The following PHF3 variants were observed in gnomAD, a reference collection of about 807,000 sequenced individuals.
The protein encoded by PHF3 is PHD finger protein 3.
PHF3 carries 41 observed loss-of-function variants against 178.4 expected under a neutral mutation model. That is an observed-to-expected ratio of 0.23 (90% CI 0.18 to 0.30). The LOEUF (loss-of-function observed/expected upper bound fraction) is 0.30. PHF3 is among the 10% of genes least tolerant of loss of function. The pLI, the probability that PHF3 is intolerant of heterozygous loss-of-function variation, is 1.00. For missense variants in PHF3, 2,346 were observed against 2,398.1 expected (o/e 0.98, Z 0.45); for synonymous variants, 842 against 800.5 (o/e 1.05, Z -0.88).
intron 2 of PHF3, among the ~76,000 whole-genome samples, chr6:63,675,921 T>G (rs1399095130): frequency 6.6e-6 from 1 of 152,222 alleles, no homozygotes; most frequent in African/African-American, 2.4e-5. Context: ...CTCTGCTTTG[T>G]GTGTCAAACT....
intron 2 of PHF3, among the ~76,000 whole-genome samples, chr6:63,647,515 A>G (rs1412858589): frequency 2.0e-5 from 3 of 152,056 alleles, no homozygotes; most frequent in Non-Finnish European, 4.4e-5. Flanking sequence ...GATATTTTGG[A>G]TATTTGTGGT....
chr6:63,674,580 T>C (rs1290708846), intron 2 of PHF3, among the ~76,000 whole-genome samples: 1 of 152,030 alleles, frequency 6.6e-6, no homozygotes, highest in East Asian at 1.9e-4. Context: ...AAAGAACTCT[T>C]ACCAACGGGT....
At chr6:63,651,771 CT>C (rs553078280) in intron 2 of PHF3, among the ~76,000 whole-genome samples, 20 of 152,130 alleles carry the variant, frequency 1.3e-4, no homozygotes, top group Non-Finnish European at 2.6e-4. Flanking sequence ...GAGCTCAACT[CT>C]TTTGCTGCTA....
At chr6:63,650,093 C>G (rs1380157438) in intron 2 of PHF3, among the ~76,000 whole-genome samples, 1 of 152,130 alleles carries the variant, frequency 6.6e-6, no homozygotes, top group Non-Finnish European at 1.5e-5. Context: ...AATAAATGTT[C>G]AGTGGCTGTA....
chr6:63,692,963 A>T (rs116685713), intron 5 of PHF3, among the ~76,000 whole-genome samples: 1,800 of 152,318 alleles, frequency 0.012, 29 homozygotes, highest in African/African-American at 0.042. Context: ...CTTACCTATT[A>T]ACAAATCCGT....
rs536085277 is a variant in PHF3 at position 63,640,239 on chromosome 6, A to G, written c.-26+4089A>G. Among the ~76,000 whole-genome samples, 9 of 152,362 alleles carry G rather than the reference A, an allele frequency of 5.9e-5. 1 individual carries two copies. The South Asian group carries it at 1.4e-3, about 25-fold the overall frequency. On this transcript the variant is annotated intron_variant, in intron 1 of 15. Coordinates refer to ENST00000262043, the MANE Select transcript of PHF3 (RefSeq NM_001370348.2). ...ACTTTGTAGTATTGTGTCATACCAC[A>G]TGGCCTAACCACTTATTAATTTTTG...
intron 6 of PHF3, among the ~76,000 whole-genome samples, chr6:63,695,378 T>C (rs1309193151): frequency 6.6e-6 from 1 of 152,200 alleles, no homozygotes; most frequent in Non-Finnish European, 1.5e-5. Flanking sequence ...TATGTCTATC[T>C]GTATAGCGTT....
At chr6:63,709,127 T>C (rs1394973122) in intron 13 of PHF3, 24 bp from the exon 14 acceptor site, 2 of 1,224,806 alleles carry the variant, frequency 1.6e-6, no homozygotes, top group Non-Finnish European at 2.3e-6. Flanking sequence ...TATATTGATC[T>C]CTTTTTTTTT....
chr6:63,678,591 T>G (rs1280874971), intron 2 of PHF3, among the ~76,000 whole-genome samples: 2 of 152,158 alleles, frequency 1.3e-5, no homozygotes, highest in Non-Finnish European at 2.9e-5. Context: ...ATCTTTTTTT[T>G]TTTTCTATCT....
At chr6:63,695,875 A>G (rs1332421946) in intron 6 of PHF3, among the ~76,000 whole-genome samples, 1 of 152,196 alleles carries the variant, frequency 6.6e-6, no homozygotes, top group East Asian at 1.9e-4. Flanking sequence ...AAATTGAAAA[A>G]TTATGTTTTG....
At chr6:63,689,933 C>CT (rs1288663906) in intron 4 of PHF3, among the ~76,000 whole-genome samples, 2 of 152,134 alleles carry the variant, frequency 1.3e-5, no homozygotes, top group Admixed American at 1.3e-4. Flanking sequence ...AAATCATTAG[C>CT]TTTCCTTCAG....
At chr6:63,667,589 C>T (rs1163394577) in intron 2 of PHF3, among the ~76,000 whole-genome samples, 1 of 152,154 alleles carries the variant, frequency 6.6e-6, no homozygotes, top group African/African-American at 2.4e-5. Flanking sequence ...CATCTAATAT[C>T]CTGTCCATGT....
chr6:63,672,248 G>T (rs1194145115), intron 2 of PHF3, among the ~76,000 whole-genome samples: 2 of 152,094 alleles, frequency 1.3e-5, no homozygotes, highest in Non-Finnish European at 2.9e-5. Flanking sequence ...AAAAATCTAA[G>T]AAATAAAAAT....
intron 2 of PHF3, among the ~76,000 whole-genome samples, chr6:63,656,465 CTGTGTGTTTGTA>C (rs755526433): frequency 1.1e-4 from 17 of 152,134 alleles, no homozygotes; most frequent in East Asian, 1.9e-4. Flanking sequence ...CAGTTGCTGA[CTGTGTGTTTGTA>C]TGTGTGTTTG....
intron 2 of PHF3, among the ~76,000 whole-genome samples, chr6:63,656,189 A>G (rs1237325489): frequency 1.3e-5 from 2 of 152,230 alleles, no homozygotes; most frequent in Non-Finnish European, 2.9e-5. Context: ...TTTCTGTTTT[A>G]GTTCTACTTG....
chr6:63,641,252 C>G (rs1023494877), intron 1 of PHF3, among the ~76,000 whole-genome samples: 2 of 152,190 alleles, frequency 1.3e-5, no homozygotes, highest in Non-Finnish European at 2.9e-5. Context: ...ATGCATTGAT[C>G]ACTACCTCAC....
At position 63,712,363 on chromosome 6, in the gene PHF3, C is replaced by T. The variant is rs1767983499; in HGVS notation, c.4775C>T (p.Thr1592Ile). The T allele has an allele frequency of 1.2e-6, 2 of 1,613,616 alleles. No homozygotes were observed. The highest frequency in any genetic ancestry group is 1.7e-6 in the Non-Finnish European group (2 of 1,179,858). Residue 1592 changes from threonine (T) to isoleucine (I), a missense_variant, in exon 16 of 16, where the codon ACA becomes ATA. Thr to Ile is a moderately conservative substitution (Grantham distance 89). Coordinates refer to ENST00000262043, the MANE Select transcript of PHF3 (RefSeq NM_001370348.2). ...GAAACTGTGGAGAGTAAAGAGAAAA[C>T]ATTAAAAAGACAGCTTCAGGAAGAT... Reference protein sequence around the residue: ...QEETVESKEKTLKRQLQEDQE... With the variant: ...QEETVESKEKILKRQLQEDQE...
chr6:63,709,989 T>A (rs1767859576), intron 14 of PHF3, among the ~76,000 whole-genome samples: 1 of 152,210 alleles, frequency 6.6e-6, no homozygotes, highest in African/African-American at 2.4e-5. Context: ...TGTTTTTCCC[T>A]CCACGGGATG....
intron 2 of PHF3, among the ~76,000 whole-genome samples, chr6:63,669,226 T>C (rs1221801685): frequency 6.6e-6 from 1 of 152,248 alleles, no homozygotes; most frequent in East Asian, 1.9e-4. Flanking sequence ...TAAAAAACTA[T>C]ATTGATAATT....
Sources: gnomAD v4.1 joint callset for allele counts (sites outside exome capture counted in the v4.1 genomes callset) on GRCh38, gnomAD v4.1.1 for gene constraint, MANE v1.5 for transcripts, NCBI Gene and HGNC (gene_info 2026-07-23, HGNC 2026-07-21) for gene names.